The following EYS variants were observed in gnomAD, a reference collection of about 807,000 sequenced individuals.
EYS encodes protein eyes shut homolog.
EYS carries 250 observed loss-of-function variants against 282.1 expected under a neutral mutation model. The observed-to-expected ratio is 0.89, with a 90% confidence interval of 0.80 to 0.98. EYS has a LOEUF of 0.98. Among genes scored for constraint, EYS ranks in the 50% least tolerant of loss-of-function variants. The pLI, the probability that EYS is intolerant of heterozygous loss-of-function variation, is 0.00. For missense variants in EYS, 4,016 were observed against 3,709.0 expected, an observed-to-expected ratio of 1.08 and a Z score of -2.15; for synonymous variants, 1,355 against 1,282.9, an observed-to-expected ratio of 1.06 and a Z score of -1.20.
At chr6:64,421,348 C>G (rs1420846927) in intron 28 of EYS, among the ~76,000 whole-genome samples, 1 of 152,092 alleles carries the variant, frequency 6.6e-6, no homozygotes, top group Non-Finnish European at 1.5e-5. Flanking sequence ...CCTACTGGCT[C>G]CCTCCCATGA....
rs74664716 is a variant in EYS, at chr6:63,907,418, A to C, written c.7056-43060T>G. On this transcript the variant is annotated intron_variant, in intron 35 of 42. Coordinates refer to ENST00000503581, the MANE Select transcript of EYS (RefSeq NM_001142800.2). ...TCACTTTGGATCTTCAGGATCAAGG[A>C]TTCCTAAAGCTTTGAGGTACTCAAT... Among the ~76,000 whole-genome samples, 393 of 152,222 alleles carry C rather than the reference A, an allele frequency of 2.6e-3. 4 individuals are homozygous for C. Among genetic ancestry groups the C allele is most frequent in the African/African-American group, 9.0e-3 (372 of 41,524 alleles).
At chr6:64,458,076 A>G (rs1775613814) in intron 26 of EYS, among the ~76,000 whole-genome samples, 1 of 152,158 alleles carries the variant, frequency 6.6e-6, no homozygotes, top group South Asian at 2.1e-4. Flanking sequence ...CTTTGACTCC[A>G]TTTACGGCCC....
At chr6:65,189,749 C>A (rs1217802914) in intron 12 of EYS, among the ~76,000 whole-genome samples, 3 of 151,640 alleles carry the variant, frequency 2.0e-5, no homozygotes, top group African/African-American at 7.3e-5. Flanking sequence ...TGAAATTACT[C>A]CCTAAGTGTC....
chr6:65,496,334 G>A (rs1354898762), intron 2 of EYS, among the ~76,000 whole-genome samples: 1 of 151,880 alleles, frequency 6.6e-6, no homozygotes, highest in Non-Finnish European at 1.5e-5. Flanking sequence ...TGTTCCAGAG[G>A]GCAAGAAAAC....
chr6:64,560,468 A>C (rs1765360198), intron 26 of EYS, among the ~76,000 whole-genome samples: 2 of 152,096 alleles, frequency 1.3e-5, no homozygotes, highest in Admixed American at 1.3e-4. Context: ...ATTATGTATG[A>C]ATTCAAATGA....
chr6:65,334,127 G>T (rs1004247009), intron 11 of EYS, among the ~76,000 whole-genome samples: 2 of 151,556 alleles, frequency 1.3e-5, no homozygotes, highest in Admixed American at 6.6e-5. Flanking sequence ...TGATATATTT[G>T]AATTTATGCC....
At chr6:64,191,265 A>G (rs1765094442) in intron 31 of EYS, among the ~76,000 whole-genome samples, 1 of 151,894 alleles carries the variant, frequency 6.6e-6, no homozygotes, top group South Asian at 2.1e-4. Context: ...CTACCTTCAC[A>G]CCATAGGGAA....
chr6:64,063,914 G>A (rs1206004544), intron 33 of EYS, among the ~76,000 whole-genome samples: 1 of 152,070 alleles, frequency 6.6e-6, no homozygotes, highest in African/African-American at 2.4e-5. Flanking sequence ...TTTTAGTAGA[G>A]ATGGGGTTTC....
At chr6:64,277,320 T>C (rs1768148165) in intron 30 of EYS, among the ~76,000 whole-genome samples, 1 of 152,134 alleles carries the variant, frequency 6.6e-6, no homozygotes, top group South Asian at 2.1e-4. Context: ...TATAGTGGTA[T>C]CCAAAGACAG....
At chr6:65,211,305 AC>A (rs1427248665) in intron 12 of EYS, among the ~76,000 whole-genome samples, 1 of 152,030 alleles carries the variant, frequency 6.6e-6, no homozygotes, top group East Asian at 1.9e-4. Flanking sequence ...ACAGGAAGTC[AC>A]TTGGTAAAAG....
chr6:64,228,763 T>A (rs1252345730), intron 31 of EYS, among the ~76,000 whole-genome samples: 1 of 152,114 alleles, frequency 6.6e-6, no homozygotes, highest in Admixed American at 6.6e-5. Context: ...AAACATCAAA[T>A]ACAATTAAAC....
At chr6:64,270,250 A>G (rs919315149) in intron 30 of EYS, among the ~76,000 whole-genome samples, 1 of 152,084 alleles carries the variant, frequency 6.6e-6, no homozygotes, top group African/African-American at 2.4e-5. Flanking sequence ...TGTAGTTGTG[A>G]ATTTTCTTCA....
chr6:64,194,595 A>G (rs1765223743), intron 31 of EYS, among the ~76,000 whole-genome samples: 1 of 152,144 alleles, frequency 6.6e-6, no homozygotes, highest in Admixed American at 6.6e-5. Context: ...GCTTTTTAAT[A>G]TAATTGCATT....
rs7743515 is a variant in EYS at position 64,886,866 on chromosome 6, G to A, written c.2847-24C>T. 1,157,200 of 1,424,302 alleles carry A rather than the reference G, an allele frequency of 0.81. 470,811 individuals carry two copies. The highest frequency in any genetic ancestry group is 0.86 in the Admixed American group (34,789 of 40,556). The allele number at this position is 1,424,302 out of a possible 1,614,324, so 88.2% of individuals were successfully genotyped here. On this transcript the variant is annotated intron_variant, in intron 18 of 42. Transcript: ENST00000503581. ...ATCTGGAGAAAAGTGGAGAAATGAG[G>A]AATAGCCATGTAACAATGATAATCA...
At chr6:64,339,794 C>T (rs912485231) in intron 29 of EYS, among the ~76,000 whole-genome samples, 2 of 151,746 alleles carry the variant, frequency 1.3e-5, no homozygotes, top group African/African-American at 4.8e-5. Flanking sequence ...AGTGAAGTAA[C>T]TCAGGAATGG....
At chr6:65,571,002 G>A (rs1764458713) in intron 2 of EYS, among the ~76,000 whole-genome samples, 1 of 152,056 alleles carries the variant, frequency 6.6e-6, no homozygotes, top group African/African-American at 2.4e-5. Flanking sequence ...CATCAGTTAT[G>A]TTCTGTAAGG....
intron 26 of EYS, among the ~76,000 whole-genome samples, chr6:64,536,054 A>G (rs1055652476): frequency 6.6e-6 from 1 of 152,062 alleles, no homozygotes; most frequent in African/African-American, 2.4e-5. Context: ...GTTTTCTAAT[A>G]CCATATATCA....
intron 31 of EYS, among the ~76,000 whole-genome samples, chr6:64,187,866 T>C (rs1311316890): frequency 1.3e-5 from 2 of 152,102 alleles, no homozygotes; most frequent in African/African-American, 4.8e-5. Flanking sequence ...GTGTTTAATA[T>C]AAGATTTCTT....
chr6:65,356,915 T>A (rs1462015203), intron 8 of EYS, among the ~76,000 whole-genome samples: 2 of 152,014 alleles, frequency 1.3e-5, no homozygotes, highest in Non-Finnish European at 2.9e-5. Context: ...ACACACACAT[T>A]TCACAGCACC....
Sources: allele counts gnomAD v4.1 joint callset (sites outside exome capture counted in the v4.1 genomes callset), GRCh38; gene constraint gnomAD v4.1.1; transcripts MANE v1.5; gene names NCBI Gene and HGNC (gene_info 2026-07-23, HGNC 2026-07-21).